Variants in FREM2 observed in about 807,000 individuals in gnomAD.
FREM2 encodes the protein FRAS1-related extracellular matrix protein 2.
FREM2 carries 119 observed loss-of-function variants against 219.9 expected under a neutral mutation model. That is an observed-to-expected ratio of 0.54 (90% CI 0.47 to 0.63). The LOEUF is 0.63. Ranked by LOEUF, FREM2 falls within the 30% of genes least tolerant of loss-of-function variation. The pLI is 0.00. For synonymous variants in FREM2, 1,562 were observed against 1,522.8 expected (o/e 1.03, Z -0.60); for missense variants, 4,030 against 3,993.6 (o/e 1.01, Z -0.25).
chr13:38,849,302 G>A (rs570504529), intron 8 of FREM2, among the ~76,000 whole-genome samples: 13 of 152,248 alleles, frequency 8.5e-5, no homozygotes, highest in South Asian at 6.2e-4. Flanking sequence ...TATCTTGATT[G>A]TGCCTCAAGA....
In FREM2 at chr13:38,882,958, C is replaced by G. The variant is rs1435818183; in HGVS notation, c.*2171C>G. Reference sequence around the variant, plus strand: ...AGCATTACTGTACGAAGTCTGTTTTCAGGCTTTGGGTCAAGCTGGTTTTAT... The same window carrying G: ...AGCATTACTGTACGAAGTCTGTTTTGAGGCTTTGGGTCAAGCTGGTTTTAT... On this transcript the variant is annotated 3_prime_UTR_variant, in exon 24 of 24. Transcript: ENST00000280481. 1 of 152,148 alleles carries G rather than the reference C, an allele frequency of 6.6e-6. No homozygotes were observed. Among genetic ancestry groups the G allele is most frequent in the African/African-American group, 2.4e-5 (1 of 41,442 alleles). The allele number at this position is 152,148 out of a possible 1,614,324, so 9.4% of individuals were successfully genotyped here. A position where few individuals can be genotyped will look rare whatever the true frequency, so the allele number is the denominator to read the frequency against.
At chr13:38,723,043 C>T (rs1871359188) in intron 2 of FREM2, among the ~76,000 whole-genome samples, 1 of 151,914 alleles carries the variant, frequency 6.6e-6, no homozygotes, top group Non-Finnish European at 1.5e-5. Flanking sequence ...CCAGCCTGGT[C>T]AACATGGTGA....
chr13:38,885,563 A>G lies in FREM2; in HGVS notation c.*4776A>G, dbSNP rs1203650928. 1.3e-5 allele frequency: 2 copies of G among 152,072 alleles called. No individual in the cohort carries two copies. Among genetic ancestry groups the G allele is most frequent in the Non-Finnish European group, 2.9e-5 (2 of 68,014 alleles). The allele number at this position is 152,072 out of a possible 1,614,324, so 9.4% of individuals were successfully genotyped here. On this transcript the variant is annotated 3_prime_UTR_variant, in exon 24 of 24. Transcript: ENST00000280481. ...CTGAGATGTATTTTTCATTCTTCCA[A>G]TAATGCTCTCTTTTTCATTTCAAAA...
chr13:38,817,094 A>G (rs997499988), intron 6 of FREM2, among the ~76,000 whole-genome samples: 3 of 152,226 alleles, frequency 2.0e-5, no homozygotes, highest in African/African-American at 4.8e-5. Flanking sequence ...GATATCCTAT[A>G]TTTGTGGATT....
chr13:38,687,113 C>G lies in FREM2; in HGVS notation c.-232C>G, dbSNP rs1593338353. 1.7e-6 allele frequency: 1 copy of G among 594,386 alleles called. No individual in the cohort carries two copies. Among genetic ancestry groups the G allele is most frequent in the Non-Finnish European group, 3.0e-6 (1 of 335,956 alleles). 36.8% of individuals were successfully genotyped at this position (594,386 alleles called of 1,614,324 possible). The stretch of plus-strand genomic sequence containing the variant: ...GATTCAATTCTCCGCGCGATTGAGG[C>G]GCTAGCGGCGGAGCTGGACGGCCTG... On this transcript the variant is annotated 5_prime_UTR_variant, in exon 1 of 24. Transcript: ENST00000280481.
chr13:38,861,549 G>A lies in FREM2; in HGVS notation c.7638G>A (p.Met2546Ile). 2 of 1,613,582 alleles carry A rather than the reference G, an allele frequency of 1.2e-6. No homozygotes were observed. The highest frequency in any genetic ancestry group is 1.7e-6 in the Non-Finnish European group (2 of 1,179,752). ...ACCTTATCAAGCTCACTGTCACAAT[G>A]CCACACATAGATGGTAGGTGACTTG... ...YTNLIKLTVT[M>I]PHIDGMLPVI... Residue 2546 changes from methionine (M) to isoleucine (I), a missense_variant, in exon 15 of 24, where the codon ATG (methionine) becomes ATA (isoleucine). This residue lies in a region of FREM2 where 928 missense variants were observed against 1,042.9 expected (regional missense o/e 0.89). Transcript: ENST00000280481.
intron 16 of FREM2, among the ~76,000 whole-genome samples, chr13:38,868,248 G>A (rs1878038914): frequency 6.6e-6 from 1 of 152,204 alleles, no homozygotes; most frequent in Non-Finnish European, 1.5e-5. Context: ...TTATAGTGAA[G>A]AGAACAAAAT....
chr13:38,875,601 G>T (rs900286800), intron 18 of FREM2, among the ~76,000 whole-genome samples: 7 of 152,170 alleles, frequency 4.6e-5, no homozygotes, highest in African/African-American at 1.7e-4. Flanking sequence ...AATTGGGTTT[G>T]CCCAGCTGTG....
At chr13:38,836,270 C>G (rs978671533) in intron 6 of FREM2, among the ~76,000 whole-genome samples, 1 of 152,142 alleles carries the variant, frequency 6.6e-6, no homozygotes, top group African/African-American at 2.4e-5. Context: ...GTTGAACCAG[C>G]CTTGCATCCC....
intron 1 of FREM2, among the ~76,000 whole-genome samples, chr13:38,695,578 A>G (rs1405201536): frequency 6.6e-6 from 1 of 152,188 alleles, no homozygotes; most frequent in Non-Finnish European, 1.5e-5. Flanking sequence ...TAGAGCCTTT[A>G]GATTTTCTTA....
Position 38,851,102 on chromosome 13 carries a change from G to A in FREM2, c.6736G>A (p.Ala2246Thr). 3 of 1,613,458 alleles carry A rather than the reference G, an allele frequency of 1.9e-6. No individual in the cohort carries two copies. The highest frequency in any genetic ancestry group is 2.2e-5 in the South Asian group (2 of 91,066). The change falls in exon 10 of 24, where the codon GCT (alanine) becomes ACT (threonine). Residue 2246 changes from alanine (A) to threonine (T), a missense_variant. Transcript: ENST00000280481. ...NETLIRIRDD[A>T]DKTVIKFGET... is the part of the protein sequence containing the mutation. ...AACTCTCATAAGGATCCGAGATGAT[G>A]CTGATAGTAAGAAATCTTTTTTTGT...
intron 6 of FREM2, among the ~76,000 whole-genome samples, chr13:38,796,100 A>G (rs1290944055): frequency 6.6e-6 from 1 of 152,058 alleles, no homozygotes; most frequent in Non-Finnish European, 1.5e-5. Flanking sequence ...GGTTTAGATA[A>G]TGGGCAGAAT....
intron 4 of FREM2, among the ~76,000 whole-genome samples, chr13:38,770,258 A>G (rs971973400): frequency 3.0e-4 from 45 of 150,718 alleles, no homozygotes; most frequent in African/African-American, 1.0e-3. Flanking sequence ...CGGTCTTGCT[A>G]TGCTGCCCAG....
chr13:38,719,250 C>T (rs1270214411), intron 2 of FREM2, among the ~76,000 whole-genome samples: 5 of 152,238 alleles, frequency 3.3e-5, no homozygotes, highest in East Asian at 1.9e-4. Flanking sequence ...GATGGAGTTT[C>T]GCTCTTGTTG....
At position 38,859,557 on chromosome 13, in the gene FREM2, A is replaced by G. The variant is rs146017110; in HGVS notation, c.7486A>G (p.Met2496Val). Residue 2496 changes from methionine to valine, a missense_variant, in exon 14 of 24, where the codon ATG becomes GTG. Transcript: ENST00000280481. ...NTNGDEGLEL[M>V]SPIVTISREE... ...CAATGGGGATGAAGGCCTGGAGCTC[A>G]TGAGCCCTATTGTAACCATCAGCAG... The G allele has an allele frequency of 6.2e-7, 1 of 1,613,020 alleles. No individual in the cohort carries two copies. The highest frequency in any genetic ancestry group is 2.2e-5 in the East Asian group (1 of 44,830).
At chr13:38,709,502 A>G (rs559651061) in intron 2 of FREM2, among the ~76,000 whole-genome samples, 2 of 152,176 alleles carry the variant, frequency 1.3e-5, no homozygotes, top group East Asian at 3.9e-4. Flanking sequence ...TGTATGGGGC[A>G]GCACAAATAT....
At chr13:38,861,353 C>A in intron 14 of FREM2, 78 bp from the exon 15 acceptor site, 3 of 1,434,894 alleles carry the variant, frequency 2.1e-6, no homozygotes, top group East Asian at 2.3e-5. Flanking sequence ...AAAATAATAG[C>A]TCCTATTTTC....
chr13:38,691,733 T>G lies in FREM2; in HGVS notation c.4389T>G (p.Ala1463=). 2.5e-6 allele frequency: 4 copies of G among 1,613,590 alleles called. No individual in the cohort carries two copies. Among genetic ancestry groups the G allele is most frequent in the Non-Finnish European group, 3.4e-6 (4 of 1,179,582 alleles). Residue 1463 remains alanine, a synonymous_variant, in exon 1 of 24, where the codon GCT becomes GCG. Coordinates refer to ENST00000280481, the MANE Select transcript of FREM2 (RefSeq NM_207361.6). ...DENLVFTITR[A]PMRGHLECTD... ...ACTTGGTTTTTACCATCACCAGGGC[T>G]CCCATGCGAGGTCACCTGGAATGCA...
At chr13:38,850,904 C>T (rs372805443) in intron 9 of FREM2, 40 bp from the exon 10 acceptor site, 99 of 1,604,024 alleles carry the variant, frequency 6.2e-5, no homozygotes, top group Non-Finnish European at 7.7e-5. Context: ...TAGATATATT[C>T]CTATGGGATG....
Sources: allele counts gnomAD v4.1 joint callset (sites outside exome capture counted in the v4.1 genomes callset), GRCh38; gene constraint gnomAD v4.1.1; regional missense constraint gnomAD v4.1.1; transcripts MANE v1.5; gene names NCBI Gene and HGNC (gene_info 2026-07-23, HGNC 2026-07-21).